Variants in KRTAP3-2 observed in about 807,000 individuals in gnomAD.
KRTAP3-2 encodes keratin-associated protein 3-2.
Under a neutral mutation model 5.4 loss-of-function variants are expected in KRTAP3-2, and 2 were observed. The observed-to-expected ratio is 0.37, with a 90% CI of 0.15 to 1.17. KRTAP3-2 has a LOEUF of 1.17. KRTAP3-2 is among the 50% of genes most tolerant of loss of function. KRTAP3-2 has a pLI of 0.37. For missense variants in KRTAP3-2, 113 were observed against 122.0 expected (o/e 0.93, Z 0.35); for synonymous variants, 49 against 48.0 (o/e 1.02, Z -0.08).
rs2011747593 is a variant in KRTAP3-2 at position 40,999,260 on chromosome 17, A to C, written c.*297T>G. The C allele has an allele frequency of 1.0e-5, 4 of 385,730 alleles. No individual in the cohort carries two copies. In the Admixed American group the frequency reaches 1.6e-4, roughly 16 times the overall value. The allele number at this position is 385,730 out of a possible 1,614,324, so 23.9% of individuals were successfully genotyped here. On this transcript the variant is annotated 3_prime_UTR_variant, in exon 1 of 1. Coordinates refer to ENST00000391587, the MANE Select transcript of KRTAP3-2 (RefSeq NM_031959.3). Reference sequence around the variant, plus strand: ...TTTCTTCTATGAAAATACCCAGTACAAGAAACAAGAGCCAGGAAGCAATAT... The same window carrying C: ...TTTCTTCTATGAAAATACCCAGTACCAGAAACAAGAGCCAGGAAGCAATAT...
Position 40,999,742 on chromosome 17 carries a change from G to T in KRTAP3-2, c.112C>A (p.His38Asn), listed in dbSNP as rs951118584. The T allele has an allele frequency of 2.5e-6, 4 of 1,613,982 alleles. No homozygotes were observed. In the African/African-American group the frequency reaches 4.0e-5, roughly 16 times the overall value. ...ATGGGCTCCAGTAACCAAACTGTGT[G>T]TGGGCAGGTGCTGGGCAGGCAGACT... is the stretch of plus-strand genomic sequence containing the variant. ...CGVCLPSTCPHTVWLLEPICC... is the reference protein window; with the variant it reads ...CGVCLPSTCPNTVWLLEPICC... Residue 38 changes from histidine (H) to asparagine (N), a missense_variant, in exon 1 of 1, where the codon CAC (histidine) becomes AAC (asparagine). His to Asn is a moderately conservative substitution (Grantham distance 68, BLOSUM62 1). Coordinates refer to ENST00000391587, the MANE Select transcript of KRTAP3-2 (RefSeq NM_031959.3).
Position 40,999,823 on chromosome 17 carries a change from C to T in KRTAP3-2, c.31G>A (p.Val11Ile), listed in dbSNP as rs769563690. Reference protein sequence around the residue: MDCCASRSCSVPTGPATTICS... With the variant: MDCCASRSCSIPTGPATTICS... The stretch of plus-strand genomic sequence containing the variant: ...ATGGTGGTGGCAGGCCCAGTGGGGA[C>T]ACTGCAGCTGCGAGAGGCACAGCAA... Residue 11 changes from valine to isoleucine, a missense_variant, in exon 1 of 1, where the codon GTC becomes ATC. By Grantham distance (29) the Val-to-Ile change is conservative (BLOSUM62 3). Transcript: ENST00000391587. 59 of 1,613,998 alleles carry T rather than the reference C, an allele frequency of 3.7e-5. No individual in the cohort carries two copies. Among genetic ancestry groups the T allele is most frequent in the Admixed American group, 1.2e-4 (7 of 59,998 alleles).
chr17:40,999,833 G>T lies in KRTAP3-2; in HGVS notation c.21C>A (p.Arg7=), dbSNP rs548322379. 17,231 of 1,613,400 alleles carry T rather than the reference G, an allele frequency of 0.011. 1,579 individuals carry two copies. The African/African-American group carries it at 0.2, about 19-fold the overall frequency. MDCCAS[R]SCSVPTGPAT... is the part of the protein sequence containing the mutation. ...CAGGCCCAGTGGGGACACTGCAGCT[G>T]CGAGAGGCACAGCAATCCATGGCAA... Residue 7 remains arginine, a synonymous_variant, in exon 1 of 1, where the codon CGC becomes CGA. Coordinates refer to ENST00000391587, the MANE Select transcript of KRTAP3-2 (RefSeq NM_031959.3).
In KRTAP3-2 at chr17:40,999,392, T is replaced by A; in HGVS notation, c.*165A>T. The A allele has an allele frequency of 9.1e-7, 1 of 1,100,482 alleles. No individual in the cohort carries two copies. The highest frequency in any genetic ancestry group is 1.8e-5 in the South Asian group (1 of 56,416). 68.2% of individuals were successfully genotyped at this position (1,100,482 alleles called of 1,614,324 possible). A position where few individuals can be genotyped will look rare whatever the true frequency, so the allele number is the denominator to read the frequency against. ...AAATGGTTTTTCAGCTAAATAACCATAAAAAATACTTTTCTTTTTTTCCCC... is the reference window on the plus strand; with the variant it reads ...AAATGGTTTTTCAGCTAAATAACCAAAAAAAATACTTTTCTTTTTTTCCCC... On this transcript the variant is annotated 3_prime_UTR_variant, in exon 1 of 1. Transcript: ENST00000391587.
rs368962906 is a variant in KRTAP3-2 at position 40,999,531 on chromosome 17, C to T, written c.*26G>A. The T allele has an allele frequency of 2.6e-5, 42 of 1,609,602 alleles. No individual in the cohort carries two copies. The highest frequency in any genetic ancestry group is 3.3e-5 in the South Asian group (3 of 90,486). The stretch of plus-strand genomic sequence containing the variant: ...GGACAGCTTCTGGATTCTTCGTTGT[C>T]GGGCACTGAGCAAAGTAGCCATCCA... On this transcript the variant is annotated 3_prime_UTR_variant, in exon 1 of 1. Transcript: ENST00000391587.
In KRTAP3-2 at chr17:40,999,739, T is replaced by C. The variant is rs1175819469; in HGVS notation, c.115A>G (p.Thr39Ala). The C allele has an allele frequency of 6.2e-7, 1 of 1,613,764 alleles. No homozygotes were observed. Among genetic ancestry groups the C allele is most frequent in the Admixed American group, 1.7e-5 (1 of 59,990 alleles). The change falls in exon 1 of 1, where the codon ACA becomes GCA. Residue 39 changes from threonine (T) to alanine (A), a missense_variant. Physicochemically the swap from Thr to Ala is moderately conservative, Grantham distance 58. Coordinates refer to ENST00000391587, the MANE Select transcript of KRTAP3-2 (RefSeq NM_031959.3). Reference sequence around the variant, plus strand: ...CAGATGGGCTCCAGTAACCAAACTGTGTGTGGGCAGGTGCTGGGCAGGCAG... The same window carrying C: ...CAGATGGGCTCCAGTAACCAAACTGCGTGTGGGCAGGTGCTGGGCAGGCAG... ...GVCLPSTCPH[T>A]VWLLEPICCD...
At position 40,999,322 on chromosome 17, in the gene KRTAP3-2, AAC is replaced by A; in HGVS notation, c.*233_*234del. The A allele has an allele frequency of 1.7e-6, 1 of 590,300 alleles. No individual in the cohort carries two copies. The highest frequency in any genetic ancestry group is 2.9e-6 in the Non-Finnish European group (1 of 346,344). The allele number at this position is 590,300 out of a possible 1,614,324, so 36.6% of individuals were successfully genotyped here. A position where few individuals can be genotyped will look rare whatever the true frequency, so the allele number is the denominator to read the frequency against. Reference sequence around the variant, plus strand: ...TGTAATCTGAGGTCTTAAAGATTGAAACAGTATTTTGCTAATAAAACTCATTC... The same window carrying A: ...TGTAATCTGAGGTCTTAAAGATTGAAAGTATTTTGCTAATAAAACTCATTC... On this transcript the variant is annotated 3_prime_UTR_variant, in exon 1 of 1. Coordinates refer to ENST00000391587, the MANE Select transcript of KRTAP3-2 (RefSeq NM_031959.3).
In KRTAP3-2 at chr17:40,999,444, T is replaced by C; in HGVS notation, c.*113A>G. On this transcript the variant is annotated 3_prime_UTR_variant, in exon 1 of 1. Transcript: ENST00000391587. Reference sequence around the variant, plus strand: ...ATTAAAACCAAAGGTAAGTTCTTCATATCTGGGTCATCTGGTCTACCTTAA... The same window carrying C: ...ATTAAAACCAAAGGTAAGTTCTTCACATCTGGGTCATCTGGTCTACCTTAA... 2.8e-6 allele frequency: 4 copies of C among 1,445,126 alleles called. No individual in the cohort carries two copies. The highest frequency in any genetic ancestry group is 1.4e-5 in the South Asian group (1 of 72,912). The allele number at this position is 1,445,126 out of a possible 1,614,324, so 89.5% of individuals were successfully genotyped here.
chr17:40,999,410 T>C lies in KRTAP3-2; in HGVS notation c.*147A>G. On this transcript the variant is annotated 3_prime_UTR_variant, in exon 1 of 1. Transcript: ENST00000391587. Reference sequence around the variant, plus strand: ...ATAACCATAAAAAATACTTTTCTTTTTTTCCCCCATTAAAACCAAAGGTAA... The same window carrying C: ...ATAACCATAAAAAATACTTTTCTTTCTTTCCCCCATTAAAACCAAAGGTAA... 8.2e-7 allele frequency: 1 copy of C among 1,218,150 alleles called. No homozygotes were observed. Among genetic ancestry groups the C allele is most frequent in the Non-Finnish European group, 1.1e-6 (1 of 887,884 alleles). 75.5% of individuals were successfully genotyped at this position (1,218,150 alleles called of 1,614,324 possible).
At position 40,999,440 on chromosome 17, in the gene KRTAP3-2, T is replaced by G; in HGVS notation, c.*117A>C. On this transcript the variant is annotated 3_prime_UTR_variant, in exon 1 of 1. Coordinates refer to ENST00000391587, the MANE Select transcript of KRTAP3-2 (RefSeq NM_031959.3). ...CCCCATTAAAACCAAAGGTAAGTTC[T>G]TCATATCTGGGTCATCTGGTCTACC... 1 of 1,423,060 alleles carries G rather than the reference T, an allele frequency of 7.0e-7. No homozygotes were observed. 88.2% of individuals were successfully genotyped at this position (1,423,060 alleles called of 1,614,324 possible).
chr17:40,999,588 C>T lies in KRTAP3-2; in HGVS notation c.266G>A (p.Cys89Tyr). The T allele has an allele frequency of 3.7e-6, 6 of 1,613,882 alleles. No individual in the cohort carries two copies. Among genetic ancestry groups the T allele is most frequent in the Non-Finnish European group, 5.1e-6 (6 of 1,179,980 alleles). The change falls in exon 1 of 1, where the codon TGC (cysteine) becomes TAC (tyrosine). Residue 89 changes from cysteine (C) to tyrosine (Y), a missense_variant. Coordinates refer to ENST00000391587, the MANE Select transcript of KRTAP3-2 (RefSeq NM_031959.3). ...GCCTCTTGGGAGGCAGGGCTCACAG[C>T]AGGGCTGAGTGAAGGTGGTGAGGTT... ...TLNLTTFTQP[C>Y]CEPCLPRGC
In KRTAP3-2 at chr17:40,999,525, C is replaced by T. The variant is rs775336183; in HGVS notation, c.*32G>A. 1.2e-5 allele frequency: 20 copies of T among 1,605,402 alleles called. No homozygotes were observed. Among genetic ancestry groups the T allele is most frequent in the Admixed American group, 5.0e-5 (3 of 59,702 alleles). ...CTGAAGGGACAGCTTCTGGATTCTT[C>T]GTTGTCGGGCACTGAGCAAAGTAGC... On this transcript the variant is annotated 3_prime_UTR_variant, in exon 1 of 1. Transcript: ENST00000391587.
Position 40,999,848 on chromosome 17 carries a change from A to G in KRTAP3-2, c.6T>C (p.Asp2=), listed in dbSNP as rs142496803. Reference sequence around the variant, plus strand: ...CACTGCAGCTGCGAGAGGCACAGCAATCCATGGCAATGGGCGTCTGGTTAG... The same window carrying G: ...CACTGCAGCTGCGAGAGGCACAGCAGTCCATGGCAATGGGCGTCTGGTTAG... M[D]CCASRSCSVP... Residue 2 remains aspartate (D), a synonymous_variant, in exon 1 of 1, where the codon GAT becomes GAC. Coordinates refer to ENST00000391587, the MANE Select transcript of KRTAP3-2 (RefSeq NM_031959.3). 3.6e-5 allele frequency: 58 copies of G among 1,613,932 alleles called. No individual in the cohort carries two copies. Among genetic ancestry groups the G allele is most frequent in the African/African-American group, 1.1e-4 (8 of 74,916 alleles).
At position 40,999,285 on chromosome 17, in the gene KRTAP3-2, T is replaced by C. The variant is rs1000156375; in HGVS notation, c.*272A>G. ...AAGAAACAAGAGCCAGGAAGCAATA[T>C]GATCAAGAACATGTAATCTGAGGTC... On this transcript the variant is annotated 3_prime_UTR_variant, in exon 1 of 1. Coordinates refer to ENST00000391587, the MANE Select transcript of KRTAP3-2 (RefSeq NM_031959.3). 2 of 441,272 alleles carry C rather than the reference T, an allele frequency of 4.5e-6. No homozygotes were observed. The highest frequency in any genetic ancestry group is 2.0e-5 in the African/African-American group (1 of 50,384). The allele number at this position is 441,272 out of a possible 1,614,324, so 27.3% of individuals were successfully genotyped here. A position where few individuals can be genotyped will look rare whatever the true frequency, so the allele number is the denominator to read the frequency against.
rs374247915 is a variant in KRTAP3-2, at chr17:40,999,530, T to C, written c.*27A>G. The C allele has an allele frequency of 6.8e-6, 11 of 1,609,854 alleles. No individual in the cohort carries two copies. In the Admixed American group the frequency reaches 8.3e-5, roughly 12 times the overall value. On this transcript the variant is annotated 3_prime_UTR_variant, in exon 1 of 1. Coordinates refer to ENST00000391587, the MANE Select transcript of KRTAP3-2 (RefSeq NM_031959.3). ...GGGACAGCTTCTGGATTCTTCGTTG[T>C]CGGGCACTGAGCAAAGTAGCCATCC... is the stretch of plus-strand genomic sequence containing the variant.
In KRTAP3-2 at chr17:40,999,280, C is replaced by T; in HGVS notation, c.*277G>A. ...AGTACAAGAAACAAGAGCCAGGAAG[C>T]AATATGATCAAGAACATGTAATCTG... On this transcript the variant is annotated 3_prime_UTR_variant, in exon 1 of 1. Coordinates refer to ENST00000391587, the MANE Select transcript of KRTAP3-2 (RefSeq NM_031959.3). The T allele has an allele frequency of 2.3e-6, 1 of 429,196 alleles. No homozygotes were observed. The highest frequency in any genetic ancestry group is 6.6e-5 in the South Asian group (1 of 15,100). 26.6% of individuals were successfully genotyped at this position (429,196 alleles called of 1,614,324 possible). A position where few individuals can be genotyped will look rare whatever the true frequency, so the allele number is the denominator to read the frequency against.
Position 40,999,273 on chromosome 17 carries a change from C to G in KRTAP3-2, c.*284G>C. ...AATACCCAGTACAAGAAACAAGAGCCAGGAAGCAATATGATCAAGAACATG... is the reference window on the plus strand; with the variant it reads ...AATACCCAGTACAAGAAACAAGAGCGAGGAAGCAATATGATCAAGAACATG... On this transcript the variant is annotated 3_prime_UTR_variant, in exon 1 of 1. Coordinates refer to ENST00000391587, the MANE Select transcript of KRTAP3-2 (RefSeq NM_031959.3). 2.4e-6 allele frequency: 1 copy of G among 409,372 alleles called. No individual in the cohort carries two copies. The highest frequency in any genetic ancestry group is 4.3e-6 in the Non-Finnish European group (1 of 234,462). The allele number at this position is 409,372 out of a possible 1,614,324, so 25.4% of individuals were successfully genotyped here. A position where few individuals can be genotyped will look rare whatever the true frequency, so the allele number is the denominator to read the frequency against.
rs1207984643 is a variant in KRTAP3-2, at chr17:40,999,276, G to A, written c.*281C>T. ...ACCCAGTACAAGAAACAAGAGCCAG[G>A]AAGCAATATGATCAAGAACATGTAA... On this transcript the variant is annotated 3_prime_UTR_variant, in exon 1 of 1. Transcript: ENST00000391587. 3 of 415,440 alleles carry A rather than the reference G, an allele frequency of 7.2e-6. No homozygotes were observed. Among genetic ancestry groups the A allele is most frequent in the Admixed American group, 4.0e-5 (1 of 25,016 alleles). 25.7% of individuals were successfully genotyped at this position (415,440 alleles called of 1,614,324 possible).
rs2011760370 is a variant in KRTAP3-2 at position 40,999,592 on chromosome 17, G to T, written c.262C>A (p.Pro88Thr). 6.2e-7 allele frequency: 1 copy of T among 1,613,816 alleles called. No individual in the cohort carries two copies. The highest frequency in any genetic ancestry group is 8.5e-7 in the Non-Finnish European group (1 of 1,179,932). ...CTTGGGAGGCAGGGCTCACAGCAGG[G>T]CTGAGTGAAGGTGGTGAGGTTGAGG... is the stretch of plus-strand genomic sequence containing the variant. ...ETLNLTTFTQ[P>T]CCEPCLPRGC The change falls in exon 1 of 1, where the codon CCC becomes ACC. Residue 88 changes from proline (P) to threonine (T), a missense_variant. Physicochemically the swap from Pro to Thr is conservative, Grantham distance 38. Transcript: ENST00000391587.
Sources: allele counts gnomAD v4.1 joint callset, GRCh38; gene constraint gnomAD v4.1.1; transcripts MANE v1.5; gene names NCBI Gene and HGNC (gene_info 2026-07-23, HGNC 2026-07-21).